ZNF829: variants seen among roughly 807,000 people sequenced by gnomAD.
ZNF829 encodes the protein zinc finger protein 829.
ZNF829 carries 25 observed loss-of-function variants against 35.2 expected under a neutral mutation model. The observed-to-expected ratio is 0.71, with a 90% confidence interval of 0.52 to 0.99. The LOEUF (loss-of-function observed/expected upper bound fraction) is 0.99. Ranked by LOEUF, ZNF829 falls within the 50% of genes least tolerant of loss-of-function variation. The probability of loss-of-function intolerance (pLI) is 0.00; values close to 1 mark genes in which losing one functional copy is unlikely to be tolerated. For synonymous variants in ZNF829, 136 were observed against 163.2 expected, an observed-to-expected ratio of 0.83 and a Z score of 1.27; for missense variants, 417 against 515.3, an observed-to-expected ratio of 0.81 and a Z score of 1.85.
At chr19:36,908,242 T>G in intron 4 of ZNF829, 91 bp downstream of exon 4, 1 of 1,504,332 alleles carries the variant, frequency 6.6e-7, no homozygotes, top group Non-Finnish European at 8.9e-7. Context: ...GAGCAGAAAT[T>G]CAGCTGGTTA....
chr19:36,903,207 C>T (rs1298393908), intron 5 of ZNF829, among the ~76,000 whole-genome samples: 1 of 152,034 alleles, frequency 6.6e-6, no homozygotes, highest in East Asian at 1.9e-4. Flanking sequence ...GGTATTAAAA[C>T]ATTGATTTCT....
Position 36,902,208 on chromosome 19 carries a change from T to C in ZNF829, c.319+5721A>G, listed in dbSNP as rs535332852. The C allele has an allele frequency of 1.6e-4, 27 of 170,752 alleles. No homozygotes were observed. In the South Asian group the frequency reaches 3.0e-3, roughly 19 times the overall value. 10.6% of individuals were successfully genotyped at this position (170,752 alleles called of 1,614,324 possible). A position where few individuals can be genotyped will look rare whatever the true frequency, so the allele number is the denominator to read the frequency against. Reference sequence around the variant, plus strand: ...AGTACCCCCCCGCACCCCGCAAAAATAACCCCACAACCTCACAAGAACTGC... The same window carrying C: ...AGTACCCCCCCGCACCCCGCAAAAACAACCCCACAACCTCACAAGAACTGC... On this transcript the variant is annotated intron_variant, in intron 5 of 5. Coordinates refer to ENST00000391711, the MANE Select transcript of ZNF829 (RefSeq NM_001037232.4).
chr19:36,915,385 C>G (rs1281914693), intron 1 of ZNF829, 134 bp from the exon 2 acceptor site: 9 of 1,041,912 alleles, frequency 8.6e-6, no homozygotes, highest in Non-Finnish European at 1.1e-5. Flanking sequence ...AGGAGCCACA[C>G]ACGGCAACAC....
chr19:36,899,386 G>A (rs563070210), intron 5 of ZNF829, among the ~76,000 whole-genome samples: 11 of 151,996 alleles, frequency 7.2e-5, no homozygotes, highest in South Asian at 2.1e-4. Context: ...TCAAGGATGC[G>A]GTGAGCTGTG....
intron 5 of ZNF829, among the ~76,000 whole-genome samples, chr19:36,898,549 T>A (rs1830980212): frequency 6.6e-6 from 1 of 152,056 alleles, no homozygotes; most frequent in African/African-American, 2.4e-5. Context: ...AAATGCCAAA[T>A]AGCCAATGCA....
intron 5 of ZNF829, among the ~76,000 whole-genome samples, chr19:36,893,711 C>T (rs1308804280): frequency 1.3e-5 from 2 of 152,214 alleles, no homozygotes; most frequent in African/African-American, 2.4e-5. Context: ...GTATTCCCTC[C>T]ACACAATCAT....
chr19:36,909,265 C>G (rs924470262), intron 3 of ZNF829, among the ~76,000 whole-genome samples: 1 of 152,026 alleles, frequency 6.6e-6, no homozygotes, highest in Non-Finnish European at 1.5e-5. Context: ...AACTAAGGAG[C>G]TAGTATGTTT....
chr19:36,906,058 C>T (rs1342037125), intron 5 of ZNF829: 1 of 152,056 alleles, frequency 6.6e-6, no homozygotes, highest in Non-Finnish European at 1.5e-5. Context: ...AAATTTGACC[C>T]CTACCTCACA....
intron 5 of ZNF829, among the ~76,000 whole-genome samples, chr19:36,895,295 T>C (rs1458401593): frequency 6.6e-6 from 1 of 152,122 alleles, no homozygotes; most frequent in South Asian, 2.1e-4. Context: ...CGATCAAAAA[T>C]GGCAAAGGGT....
chr19:36,901,521 G>C (rs139163225), intron 5 of ZNF829, among the ~76,000 whole-genome samples: 2,067 of 152,224 alleles, frequency 0.014, 54 homozygotes, highest in African/African-American at 0.047. Flanking sequence ...CCTTAATAAA[G>C]CTGAAAATAA....
intron 5 of ZNF829, among the ~76,000 whole-genome samples, chr19:36,899,798 T>A (rs2073146513): frequency 6.6e-6 from 1 of 151,344 alleles, no homozygotes; most frequent in South Asian, 2.1e-4. Flanking sequence ...AGTTATTTGA[T>A]AGGATCTGCT....
In ZNF829 at chr19:36,892,208, G is replaced by A. The variant is rs371617827; in HGVS notation, c.583C>T (p.Arg195Cys). Residue 195 changes from arginine (R) to cysteine (C), a missense_variant, in exon 6 of 6, where the codon CGT becomes TGT. Physicochemically the swap from Arg to Cys is radical, Grantham distance 180 (BLOSUM62 -3). Transcript: ENST00000391711. ...TGATGTCGAGTAACGAGTGAGCCAC[G>A]ACTAAAGGACTTCCCATACTCCTTA... is the stretch of plus-strand genomic sequence containing the variant. ...ESKEYGKSFS[R>C]GSLVTRHQRI... The A allele has an allele frequency of 5.6e-6, 9 of 1,613,972 alleles. No homozygotes were observed. Among genetic ancestry groups the A allele is most frequent in the East Asian group, 2.2e-5 (1 of 44,878 alleles).
At chr19:36,903,654 G>C (rs1239077287) in intron 5 of ZNF829, among the ~76,000 whole-genome samples, 2 of 152,142 alleles carry the variant, frequency 1.3e-5, no homozygotes, top group Non-Finnish European at 2.9e-5. Flanking sequence ...ACTTTGGGAG[G>C]CCAAGGTGGG....
At chr19:36,896,544 C>T (rs1230048857) in intron 5 of ZNF829, among the ~76,000 whole-genome samples, 1 of 151,926 alleles carries the variant, frequency 6.6e-6, no homozygotes, top group Non-Finnish European at 1.5e-5. Flanking sequence ...TTTGAACATC[C>T]CACTCTCAGC....
intron 5 of ZNF829, among the ~76,000 whole-genome samples, chr19:36,893,875 A>G (rs10426229): frequency 0.069 from 10,556 of 152,198 alleles, 916 homozygotes; most frequent in African/African-American, 0.2. Flanking sequence ...ACCTGGTGTG[A>G]TATTTGGTCT....
intron 5 of ZNF829, among the ~76,000 whole-genome samples, chr19:36,893,219 G>A (rs2073079025): frequency 6.6e-6 from 1 of 152,186 alleles, no homozygotes; most frequent in Admixed American, 6.5e-5. Context: ...AACACAACTG[G>A]TGGGAAGAGT....
At chr19:36,892,796 A>ATT (rs774351036) in intron 5 of ZNF829, 2 of 567,752 alleles carry the variant, frequency 3.5e-6, no homozygotes, top group African/African-American at 3.9e-5. Context: ...AAAAAAAAAA[A>ATT]TTTTTTTTGC....
At chr19:36,904,133 G>T (rs776521804) in intron 5 of ZNF829, among the ~76,000 whole-genome samples, 1 of 152,178 alleles carries the variant, frequency 6.6e-6, no homozygotes. Context: ...AACAACATTT[G>T]TGTAATCAGG....
At chr19:36,899,385 C>T (rs772466814) in intron 5 of ZNF829, among the ~76,000 whole-genome samples, 18 of 151,902 alleles carry the variant, frequency 1.2e-4, no homozygotes, top group Non-Finnish European at 2.2e-4. Flanking sequence ...TTCAAGGATG[C>T]GGTGAGCTGT....
Sources: allele counts gnomAD v4.1 joint callset (sites outside exome capture counted in the v4.1 genomes callset), GRCh38; gene constraint gnomAD v4.1.1; transcripts MANE v1.5; gene names NCBI Gene and HGNC (gene_info 2026-07-23, HGNC 2026-07-21).